Variants in TRAPPC12 observed in about 807,000 individuals in gnomAD.
TRAPPC12 encodes the protein TPR repeat protein 15.
TRAPPC12 carries 61 observed loss-of-function variants against 69.2 expected under a neutral mutation model. The ratio of observed to expected loss-of-function variants is 0.88; its 90% confidence interval spans 0.72 to 1.09. TRAPPC12 has a LOEUF of 1.09. Among genes scored for constraint, TRAPPC12 ranks in the 50% least tolerant of loss-of-function variants. TRAPPC12 has a pLI of 0.00. For synonymous variants in TRAPPC12, 469 were observed against 438.9 expected (o/e 1.07, Z -0.86); for missense variants, 1,101 against 1,016.4 (o/e 1.08, Z -1.13).
intron 3 of TRAPPC12, among the ~76,000 whole-genome samples, chr2:3,412,313 C>A (rs781056019): frequency 1.3e-5 from 2 of 152,144 alleles, no homozygotes; most frequent in Non-Finnish European, 2.9e-5. Context: ...TTAATCCCAG[C>A]ACTTTGGGAG....
chr2:3,390,396 T>G (rs1287805693), intron 2 of TRAPPC12, among the ~76,000 whole-genome samples: 2 of 152,214 alleles, frequency 1.3e-5, no homozygotes, highest in Non-Finnish European at 1.5e-5. Flanking sequence ...TAGGAATGTA[T>G]TGTGAGGACA....
At chr2:3,382,378 C>G (rs957775888) in intron 1 of TRAPPC12, among the ~76,000 whole-genome samples, 2 of 152,108 alleles carry the variant, frequency 1.3e-5, no homozygotes, top group Admixed American at 6.5e-5. Context: ...CGTGGTCCGC[C>G]TGCCTCGGCC....
chr2:3,417,392 C>T (rs559816485), intron 3 of TRAPPC12, among the ~76,000 whole-genome samples: 3 of 152,294 alleles, frequency 2.0e-5, no homozygotes, highest in Admixed American at 6.5e-5. Context: ...CGTCTGACCA[C>T]GTGCAGTCTT....
chr2:3,466,086 C>G (rs146892598), intron 9 of TRAPPC12, among the ~76,000 whole-genome samples: 1 of 152,354 alleles, frequency 6.6e-6, no homozygotes, highest in African/African-American at 2.4e-5. Flanking sequence ...GCTGGACAGA[C>G]AAAGTCCAGA....
At chr2:3,410,605 G>A (rs1662004131) in intron 3 of TRAPPC12, among the ~76,000 whole-genome samples, 1 of 152,180 alleles carries the variant, frequency 6.6e-6, no homozygotes, top group South Asian at 2.1e-4. Flanking sequence ...GGTATAAAAT[G>A]AGATGGAAGC....
rs2103103222 is a variant in TRAPPC12, at chr2:3,444,500, A to G, written c.1530+609A>G. ...GAGACTTTGCTGTCTACAGGTTGTT[A>G]TAGAGTATTCATCTCAGATTAGGAA... On this transcript the variant is annotated intron_variant, in intron 6 of 11. Coordinates refer to ENST00000324266, the MANE Select transcript of TRAPPC12 (RefSeq NM_016030.6). Among the ~76,000 whole-genome samples the G allele has an allele frequency of 1.3e-5, 2 of 152,376 alleles. 1 individual carries two copies. The highest frequency in any genetic ancestry group is 3.9e-4 in the East Asian group (2 of 5,192).
At position 3,457,696 on chromosome 2, in the gene TRAPPC12, G is replaced by T. The variant is rs775846898; in HGVS notation, c.1603+3G>T. The stretch of plus-strand genomic sequence containing the variant: ...CGTGACTCAGGAGGGCAGACAAGGT[G>T]GGTCGGCCGGACTTTGCTGACTAGA... On this transcript the variant is annotated splice_donor_region_variant and intron_variant, in intron 7 of 11. Coordinates refer to ENST00000324266, the MANE Select transcript of TRAPPC12 (RefSeq NM_016030.6). 1.2e-6 allele frequency: 2 copies of T among 1,609,504 alleles called. No individual in the cohort carries two copies. The highest frequency in any genetic ancestry group is 1.1e-5 in the South Asian group (1 of 91,002).
At chr2:3,428,564 T>C (rs1232979320) in intron 5 of TRAPPC12, among the ~76,000 whole-genome samples, 10 of 152,236 alleles carry the variant, frequency 6.6e-5, no homozygotes, top group Admixed American at 6.5e-4. Context: ...ATGTAATGAA[T>C]CATGTGTAAA....
intron 11 of TRAPPC12, 140 bp from the exon 12 acceptor site, chr2:3,479,079 G>A (rs1377478761): frequency 2.2e-5 from 33 of 1,504,802 alleles, no homozygotes; most frequent in Non-Finnish European, 2.8e-5. Flanking sequence ...TAGGGGAAGT[G>A]ACCCAACAGG....
intron 10 of TRAPPC12, 177 bp downstream of exon 10, chr2:3,477,972 T>C: frequency 2.2e-6 from 1 of 457,292 alleles, no homozygotes. Context: ...ATCGCAGTGA[T>C]GTTCTTTTAG....
intron 6 of TRAPPC12, among the ~76,000 whole-genome samples, chr2:3,452,295 G>A (rs954187111): frequency 6.6e-6 from 1 of 152,170 alleles, no homozygotes; most frequent in Admixed American, 6.5e-5. Flanking sequence ...GGGAGGAGGA[G>A]GAAGCCACAG....
At chr2:3,454,419 G>A (rs934438550) in intron 6 of TRAPPC12, among the ~76,000 whole-genome samples, 64 of 149,108 alleles carry the variant, frequency 4.3e-4, no homozygotes, top group Non-Finnish European at 8.2e-4. Context: ...GGTCTGGAGG[G>A]GTGTAGCCTG....
intron 3 of TRAPPC12, among the ~76,000 whole-genome samples, chr2:3,417,489 C>G (rs11682414): frequency 0.026 from 3,951 of 152,232 alleles, 177 homozygotes; most frequent in African/African-American, 0.09. Flanking sequence ...TTTAGAAGCA[C>G]CCAGTTGCCC....
At chr2:3,478,793 G>T (rs1572217436) in intron 10 of TRAPPC12, 53 bp from the exon 11 acceptor site, 2 of 1,526,516 alleles carry the variant, frequency 1.3e-6, no homozygotes, top group South Asian at 2.3e-5. Context: ...TGTGTTGGGG[G>T]ACAGCAGCTC....
In TRAPPC12 at chr2:3,443,700, C is replaced by T. The variant is rs527946125; in HGVS notation, c.1418-79C>T. ...ATCACTTCTGCTGGGACATCTGCGA[C>T]GCCTCCTTCAAGTGTGCCAAGTATG... On this transcript the variant is annotated intron_variant, in intron 5 of 11. Transcript: ENST00000324266. 8.3e-5 allele frequency: 86 copies of T among 1,042,362 alleles called. No individual in the cohort carries two copies. The African/African-American group carries it at 9.8e-4, about 12-fold the overall frequency. 64.6% of individuals were successfully genotyped at this position (1,042,362 alleles called of 1,614,324 possible).
intron 2 of TRAPPC12, among the ~76,000 whole-genome samples, chr2:3,400,767 G>GGT (rs1162898519): frequency 6.6e-6 from 1 of 152,176 alleles, no homozygotes; most frequent in Non-Finnish European, 1.5e-5. Context: ...CCATACAACA[G>GGT]ACTTGGTAAC....
chr2:3,457,346 A>C (rs1665210732), intron 6 of TRAPPC12: 1 of 477,472 alleles, frequency 2.1e-6, no homozygotes, highest in Non-Finnish European at 3.9e-6. Context: ...TCCCATGCTG[A>C]CTACCTGGGT....
chr2:3,450,934 C>G (rs1332702027), intron 6 of TRAPPC12, among the ~76,000 whole-genome samples: 1 of 152,132 alleles, frequency 6.6e-6, no homozygotes. Context: ...TCCTCAAGGC[C>G]CCCTGCAGAC....
intron 9 of TRAPPC12, among the ~76,000 whole-genome samples, chr2:3,473,583 AAT>A (rs1666161314): frequency 1.3e-5 from 2 of 152,128 alleles, no homozygotes; most frequent in African/African-American, 4.8e-5. Flanking sequence ...GGGCTCAAGC[AAT>A]CCTCCCGCCT....
Sources: allele counts gnomAD v4.1 joint callset (sites outside exome capture counted in the v4.1 genomes callset), GRCh38; gene constraint gnomAD v4.1.1; transcripts MANE v1.5; gene names NCBI Gene and HGNC (gene_info 2026-07-23, HGNC 2026-07-21).